The following DACH1 variants were observed in gnomAD, a reference collection of about 807,000 sequenced individuals.
DACH1 encodes dachshund homolog 1.
Under a neutral mutation model 54.2 loss-of-function variants are expected in DACH1, and 12 were observed. The observed-to-expected ratio is 0.22, with a 90% CI of 0.14 to 0.36. DACH1 has a LOEUF of 0.36. Among genes scored for constraint, DACH1 ranks in the 10% least tolerant of loss-of-function variants. The probability of loss-of-function intolerance (pLI) is 1.00; values close to 1 mark genes in which losing one functional copy is unlikely to be tolerated. For missense variants in DACH1, 805 were observed against 929.8 expected (o/e 0.87, Z 1.75); for synonymous variants, 386 against 366.2 (o/e 1.05, Z -0.62).
chr13:71,744,625 C>G (rs1884532036), intron 1 of DACH1, among the ~76,000 whole-genome samples: 1 of 152,180 alleles, frequency 6.6e-6, no homozygotes, highest in Non-Finnish European at 1.5e-5. Flanking sequence ...TAAGACCATG[C>G]TGCTAAGAAT....
At chr13:71,668,466 A>T (rs1879997862) in intron 2 of DACH1, among the ~76,000 whole-genome samples, 1 of 152,186 alleles carries the variant, frequency 6.6e-6, no homozygotes, top group African/African-American at 2.4e-5. Flanking sequence ...AATGATATTC[A>T]ATCAAAAAGT....
intron 2 of DACH1, among the ~76,000 whole-genome samples, chr13:71,671,625 G>A (rs1162688978): frequency 6.6e-6 from 1 of 152,042 alleles, no homozygotes; most frequent in Non-Finnish European, 1.5e-5. Flanking sequence ...ACTAACAACA[G>A]TAATTCTAAA....
chr13:71,509,669 T>C (rs747529655), intron 6 of DACH1, among the ~76,000 whole-genome samples: 2 of 152,076 alleles, frequency 1.3e-5, no homozygotes, highest in Non-Finnish European at 2.9e-5. Context: ...ATTCAGTAAG[T>C]CCTTCTCTTC....
intron 6 of DACH1, among the ~76,000 whole-genome samples, chr13:71,531,321 A>G (rs1368136449): frequency 6.6e-6 from 1 of 152,164 alleles, no homozygotes; most frequent in Non-Finnish European, 1.5e-5. Flanking sequence ...AATTTCAAAT[A>G]CATTGTGTTC....
chr13:71,634,958 G>C (rs1462796391), intron 2 of DACH1, among the ~76,000 whole-genome samples: 1 of 152,094 alleles, frequency 6.6e-6, no homozygotes, highest in Admixed American at 6.6e-5. Flanking sequence ...TCTTTTCTGG[G>C]GGCTGGGGCC....
intron 2 of DACH1, among the ~76,000 whole-genome samples, chr13:71,650,947 T>C (rs1468940212): frequency 2.0e-5 from 3 of 152,212 alleles, no homozygotes; most frequent in African/African-American, 7.2e-5. Flanking sequence ...TAATTCATTA[T>C]GCATGAAGTA....
Position 71,693,296 on chromosome 13 carries a change from C to CTTTTTTTTTTTTTTTTTTTT in DACH1, c.849-11406_849-11387dup, listed in dbSNP as rs869289138. Among the ~76,000 whole-genome samples the CTTTTTTTTTTTTTTTTTTTT allele has an allele frequency of 2.9e-4, 26 of 90,950 alleles. 4 individuals carry two copies. Among genetic ancestry groups the CTTTTTTTTTTTTTTTTTTTT allele is most frequent in the African/African-American group, 1.0e-3 (20 of 19,412 alleles). The allele number at this position is 90,950 out of a possible 152,430, so 59.7% of individuals were successfully genotyped here. ...AATACCCTCTTATCCATTTGTTTTG[C>CTTTTTTTTTTTTTTTTTTTT]TTTTTTTTTTTTTTTTTTTTTTTGA... On this transcript the variant is annotated intron_variant, in intron 1 of 10. Transcript: ENST00000613252.
At chr13:71,600,025 T>A (rs1408093968) in intron 3 of DACH1, among the ~76,000 whole-genome samples, 1 of 152,052 alleles carries the variant, frequency 6.6e-6, no homozygotes, top group African/African-American at 2.4e-5. Flanking sequence ...AAAAAAATCA[T>A]ATGGCAATAT....
rs139442681 is a variant in DACH1, at chr13:71,774,988, C to T, written c.848+90934G>A. Among the ~76,000 whole-genome samples, 230 of 152,030 alleles carry T rather than the reference C, an allele frequency of 1.5e-3. 1 individual carries two copies. Among genetic ancestry groups the T allele is most frequent in the Non-Finnish European group, 2.4e-3 (166 of 67,952 alleles). On this transcript the variant is annotated intron_variant, in intron 1 of 10. Transcript: ENST00000613252. Reference sequence around the variant, plus strand: ...CAAAAGATATCACTGAAAGGTGCTACAAGAATGCTCCCCTAGCAGGGCATA... The same window carrying T: ...CAAAAGATATCACTGAAAGGTGCTATAAGAATGCTCCCCTAGCAGGGCATA...
intron 4 of DACH1, among the ~76,000 whole-genome samples, chr13:71,567,502 C>T (rs1261450610): frequency 6.6e-6 from 1 of 151,872 alleles, no homozygotes; most frequent in African/African-American, 2.4e-5. Context: ...CTATATTTCA[C>T]AGGCTTGACA....
At chr13:71,864,679 C>A (rs953393051) in intron 1 of DACH1, among the ~76,000 whole-genome samples, 4 of 152,098 alleles carry the variant, frequency 2.6e-5, no homozygotes, top group Non-Finnish European at 5.9e-5. Context: ...ACCGTGGGGA[C>A]AAAGCGGCGC....
chr13:71,803,918 A>G (rs571496745), intron 1 of DACH1, among the ~76,000 whole-genome samples: 1 of 152,170 alleles, frequency 6.6e-6, no homozygotes, highest in Non-Finnish European at 1.5e-5. Context: ...TGTGCCTAGG[A>G]CTGGGTATTT....
intron 1 of DACH1, among the ~76,000 whole-genome samples, chr13:71,765,032 T>G (rs1311166195): frequency 2.0e-5 from 3 of 152,186 alleles, no homozygotes; most frequent in Non-Finnish European, 1.5e-5. Context: ...AAAGTTCCAT[T>G]CATTCCAATT....
chr13:71,634,869 T>C (rs1303615664), intron 2 of DACH1, among the ~76,000 whole-genome samples: 3 of 152,180 alleles, frequency 2.0e-5, no homozygotes, highest in Non-Finnish European at 4.4e-5. Context: ...TGTATATATC[T>C]GGTTAATCTT....
intron 2 of DACH1, among the ~76,000 whole-genome samples, chr13:71,649,086 A>G (rs1432593615): frequency 6.6e-6 from 1 of 152,194 alleles, no homozygotes; most frequent in South Asian, 2.1e-4. Context: ...CATATACAAC[A>G]GTGGTCCCAT....
At chr13:71,493,561 T>C (rs915547972) in intron 6 of DACH1, among the ~76,000 whole-genome samples, 2 of 152,162 alleles carry the variant, frequency 1.3e-5, no homozygotes, top group Non-Finnish European at 2.9e-5. Context: ...ACTAAAACAG[T>C]ATGTAACTTT....
rs1460111038 is a variant in DACH1, at chr13:71,621,634, G to T, written c.1126+8922C>A. ...AAAAAATCATTTACCACTCAGTTCT[G>T]CTTTTGAGATAAAGATGTAATAATG... On this transcript the variant is annotated intron_variant, in intron 3 of 10. Coordinates refer to ENST00000613252, the MANE Select transcript of DACH1 (RefSeq NM_080759.6). Among the ~76,000 whole-genome samples, 4 of 151,986 alleles carry T rather than the reference G, an allele frequency of 2.6e-5. No homozygotes were observed. In the South Asian group the frequency reaches 6.2e-4, roughly 24 times the overall value.
intron 2 of DACH1, chr13:71,675,269 A>G (rs1880490566): frequency 6.3e-7 from 1 of 1,592,712 alleles, no homozygotes; most frequent in East Asian, 2.2e-5. Context: ...CTTCCCTTCC[A>G]GAGTCTGGTG....
intron 1 of DACH1, among the ~76,000 whole-genome samples, chr13:71,725,804 G>T (rs965709499): frequency 2.0e-4 from 30 of 152,148 alleles, no homozygotes; most frequent in African/African-American, 7.2e-4. Context: ...AAATATGAGT[G>T]GAAGATTTAA....
Sources: allele counts gnomAD v4.1 joint callset (sites outside exome capture counted in the v4.1 genomes callset), GRCh38; gene constraint gnomAD v4.1.1; transcripts MANE v1.5; gene names NCBI Gene and HGNC (gene_info 2026-07-23, HGNC 2026-07-21).